SPG11: variants seen among roughly 807,000 people sequenced by gnomAD.
SPG11 encodes the protein SPG11 vesicle trafficking associated, spatacsin, also known as spatacsin.
A neutral mutation model predicts 274.0 loss-of-function variants in SPG11; 222 were observed. The ratio of observed to expected loss-of-function variants is 0.81; its 90% CI spans 0.73 to 0.91. The LOEUF (loss-of-function observed/expected upper bound fraction) is 0.91, where lower values mean the gene tolerates loss of function less well. SPG11 is among the 40% of genes least tolerant of loss of function. SPG11 has a pLI of 0.00. For missense variants in SPG11, 3,114 were observed against 2,872.7 expected (o/e 1.08, Z -1.92); for synonymous variants, 1,144 against 1,039.7 (o/e 1.10, Z -1.93).
chr15:44,577,403 T>A (rs892307862), intron 30 of SPG11, among the ~76,000 whole-genome samples: 14 of 149,278 alleles, frequency 9.4e-5, no homozygotes, highest in Admixed American at 3.4e-4. Flanking sequence ...CTTAGGAGGC[T>A]GAGGCAGGAG....
chr15:44,609,079 G>A (rs2083392852), intron 18 of SPG11, among the ~76,000 whole-genome samples: 1 of 152,070 alleles, frequency 6.6e-6, no homozygotes, highest in African/African-American at 2.4e-5. Context: ...AAAAAAGGTG[G>A]TACTAAGTTA....
intron 17 of SPG11, among the ~76,000 whole-genome samples, chr15:44,612,213 C>A (rs1214184657): frequency 6.6e-6 from 1 of 152,134 alleles, no homozygotes; most frequent in Non-Finnish European, 1.5e-5. Context: ...TCTACTAGCA[C>A]TTAACAATAG....
chr15:44,635,747 T>C (rs2084227221), intron 7 of SPG11, among the ~76,000 whole-genome samples: 1 of 151,494 alleles, frequency 6.6e-6, no homozygotes, highest in African/African-American at 2.4e-5. Flanking sequence ...TAAAACCCTG[T>C]CTTTACTAAA....
chr15:44,626,282 A>G, intron 11 of SPG11, 49 bp downstream of exon 11: 2 of 1,472,752 alleles, frequency 1.4e-6, no homozygotes, highest in South Asian at 1.3e-5. Context: ...TATAATAACT[A>G]GAAATTATAT....
rs1595851014 is a variant in SPG11 at position 44,589,408 on chromosome 15, T to C, written c.4750A>G (p.Thr1584Ala). Residue 1584 changes from threonine (T) to alanine (A), a missense_variant, in exon 28 of 40, where the codon ACA (threonine) becomes GCA (alanine). Transcript: ENST00000261866. ...ACAGGGTGGACCTTTGTGGCTGCTG[T>C]GTTAAGCTATGAAAGAAAAAGAGAA... is the stretch of plus-strand genomic sequence containing the variant. ...EFQKSLETLN[T>A]AATKVHPVIP... 5 of 1,613,930 alleles carry C rather than the reference T, an allele frequency of 3.1e-6. No individual in the cohort carries two copies. Among genetic ancestry groups the C allele is most frequent in the Non-Finnish European group, 4.2e-6 (5 of 1,179,922 alleles).
chr15:44,594,650 C>T (rs1048425617), intron 26 of SPG11, among the ~76,000 whole-genome samples: 1 of 150,032 alleles, frequency 6.7e-6, no homozygotes, highest in African/African-American at 2.5e-5. Flanking sequence ...GTTTTCCTAG[C>T]CATCTGGGAG....
At chr15:44,596,500 T>C in intron 24 of SPG11, 145 bp from the exon 25 acceptor site, 2 of 1,021,308 alleles carry the variant, frequency 2.0e-6, no homozygotes, top group Non-Finnish European at 2.9e-6. Context: ...TACAAAGCTG[T>C]ATGGTGCCTT....
chr15:44,568,220 C>G (rs1330566133), intron 35 of SPG11, among the ~76,000 whole-genome samples: 6 of 152,142 alleles, frequency 3.9e-5, no homozygotes. Context: ...TTCCAAGTGT[C>G]TTACCTGGAA....
At chr15:44,606,943 C>T (rs896379964) in intron 19 of SPG11, among the ~76,000 whole-genome samples, 2 of 152,134 alleles carry the variant, frequency 1.3e-5, no homozygotes, top group Admixed American at 1.3e-4. Context: ...GACACAGGGG[C>T]ATCTGTGACC....
intron 7 of SPG11, among the ~76,000 whole-genome samples, chr15:44,635,469 G>GT (rs1256403984): frequency 1.3e-5 from 2 of 151,794 alleles, no homozygotes; most frequent in Non-Finnish European, 2.9e-5. Context: ...AGCTGGGTGT[G>GT]GTGGCGCACA....
rs1174974039 is a variant in SPG11, at chr15:44,569,405, A to G, written c.6578T>C (p.Leu2193Ser). 1 of 1,601,208 alleles carries G rather than the reference A, an allele frequency of 6.2e-7. No individual in the cohort carries two copies. Among genetic ancestry groups the G allele is most frequent in the African/African-American group, 1.3e-5 (1 of 74,940 alleles). ...HYFEVLMRKK[L>S]DPSGTLKTAL... ...TCATTACTTTGCACCTACCGGATCC[A>G]ACTTCTTCCTCATTAGCACTTCAAA... The change falls in exon 35 of 40, where the codon TTG (leucine) becomes TCG (serine). Residue 2193 changes from leucine (L) to serine (S), a missense_variant. Physicochemically the swap from Leu to Ser is moderately radical, Grantham distance 145 (BLOSUM62 -2). Coordinates refer to ENST00000261866, the MANE Select transcript of SPG11 (RefSeq NM_025137.4).
At chr15:44,624,746 A>G (rs995643163) in intron 11 of SPG11, among the ~76,000 whole-genome samples, 3 of 152,216 alleles carry the variant, frequency 2.0e-5, no homozygotes, top group African/African-American at 7.2e-5. Flanking sequence ...TTTTTTCACA[A>G]TGTACATACA....
intron 35 of SPG11, among the ~76,000 whole-genome samples, chr15:44,567,913 AG>A (rs2082342508): frequency 6.6e-6 from 1 of 152,226 alleles, no homozygotes; most frequent in Non-Finnish European, 1.5e-5. Flanking sequence ...TGAATGTAAC[AG>A]GGATATTTAA....
In SPG11 at chr15:44,595,462, G is replaced by T. The variant is rs1555450826; in HGVS notation, c.4435-3C>A. Reference sequence around the variant, plus strand: ...AGACAAGAAATGGCACTGGCACCCTGCCACGGGATAAATAAAATAACAACT... The same window carrying T: ...AGACAAGAAATGGCACTGGCACCCTTCCACGGGATAAATAAAATAACAACT... On this transcript the variant is annotated splice_polypyrimidine_tract_variant and splice_region_variant and intron_variant, in intron 25 of 39. Transcript: ENST00000261866. 2 of 1,613,806 alleles carry T rather than the reference G, an allele frequency of 1.2e-6. No homozygotes were observed. The highest frequency in any genetic ancestry group is 2.7e-5 in the African/African-American group (2 of 74,928).
chr15:44,648,504 C>T (rs1312373498), intron 7 of SPG11, among the ~76,000 whole-genome samples: 2 of 145,908 alleles, frequency 1.4e-5, no homozygotes, highest in Non-Finnish European at 3.0e-5. Flanking sequence ...TAAAGTGACA[C>T]CCTGTGTCAA....
rs542549336 is a variant in SPG11 at position 44,598,379 on chromosome 15, A to G, written c.3893-6T>C. ...TAGTTTAGATAGTTTTTCGGCTGTA[A>G]GAAATATAAACAACAAAATATGGTG... is the stretch of plus-strand genomic sequence containing the variant. On this transcript the variant is annotated splice_region_variant and splice_polypyrimidine_tract_variant and intron_variant, in intron 22 of 39. Coordinates refer to ENST00000261866, the MANE Select transcript of SPG11 (RefSeq NM_025137.4). 3.1e-6 allele frequency: 5 copies of G among 1,611,120 alleles called. No homozygotes were observed. In the East Asian group the frequency reaches 1.1e-4, roughly 36 times the overall value.
chr15:44,635,385 G>T (rs549581084), intron 7 of SPG11, among the ~76,000 whole-genome samples: 1 of 151,950 alleles, frequency 6.6e-6, no homozygotes, highest in South Asian at 2.1e-4. Flanking sequence ...GACCAGCCTG[G>T]GCAACATAGT....
intron 7 of SPG11, among the ~76,000 whole-genome samples, chr15:44,636,967 A>AAAC (rs2084294490): frequency 6.8e-6 from 1 of 147,270 alleles, no homozygotes; most frequent in Non-Finnish European, 1.5e-5. Context: ...ACAAAAAAAA[A>AAAC]ACACAAATGT....
Position 44,663,586 on chromosome 15 carries a change from G to T in SPG11, c.62C>A (p.Ala21Asp). ...CAGCATCGGTAGAACCCGCCCCATG[G>T]CCGCGGTGCCCCAGCTACCGCCGGC... Reference protein sequence around the residue: ...ASAGGSWGTAAMGRVLPMLLV... With the variant: ...ASAGGSWGTADMGRVLPMLLV... Residue 21 changes from alanine to aspartate, a missense_variant, in exon 1 of 40, where the codon GCC becomes GAC. By Grantham distance (126) the Ala-to-Asp change is moderately radical (BLOSUM62 -2). Coordinates refer to ENST00000261866, the MANE Select transcript of SPG11 (RefSeq NM_025137.4). 1 of 1,596,592 alleles carries T rather than the reference G, an allele frequency of 6.3e-7. No homozygotes were observed. Among genetic ancestry groups the T allele is most frequent in the Non-Finnish European group, 8.5e-7 (1 of 1,174,454 alleles).
Sources: allele counts gnomAD v4.1 joint callset (sites outside exome capture counted in the v4.1 genomes callset), GRCh38; gene constraint gnomAD v4.1.1; transcripts MANE v1.5; gene names NCBI Gene and HGNC (gene_info 2026-07-23, HGNC 2026-07-21).